The following UBE2L5 variants were observed in gnomAD, a reference collection of about 807,000 sequenced individuals.
UBE2L5 encodes the protein ubiquitin-conjugating enzyme E2 L5.
A neutral mutation model predicts 10.0 loss-of-function variants in UBE2L5; 3 were observed. The observed-to-expected ratio is 0.30, with a 90% CI of 0.14 to 0.78. The LOEUF (loss-of-function observed/expected upper bound fraction) is 0.78. Among genes scored for constraint, UBE2L5 ranks in the 30% least tolerant of loss-of-function variants. The pLI is 0.65. For synonymous variants in UBE2L5, 60 were observed against 71.9 expected, an observed-to-expected ratio of 0.83 and a Z score of 0.83; for missense variants, 131 against 193.3, an observed-to-expected ratio of 0.68 and a Z score of 1.91.
intron 2 of UBE2L5, among the ~76,000 whole-genome samples, chr13:30,425,600 A>G (rs1186264299): frequency 1.3e-5 from 2 of 152,258 alleles, no homozygotes; most frequent in African/African-American, 2.4e-5. Context: ...GTCTTGGATA[A>G]TAGTTACTTT....
chr13:30,426,515 A>T (rs935022745), intron 2 of UBE2L5, among the ~76,000 whole-genome samples: 1 of 152,152 alleles, frequency 6.6e-6, no homozygotes, highest in Non-Finnish European at 1.5e-5. Context: ...ACTATTTTGA[A>T]TCGTACTTGT....
intron 2 of UBE2L5, among the ~76,000 whole-genome samples, chr13:30,425,760 C>A (rs1380251257): frequency 1.3e-5 from 2 of 151,714 alleles, no homozygotes; most frequent in East Asian, 3.9e-4. Context: ...TGGTGTTTCA[C>A]GCCTGTAATC....
intron 3 of UBE2L5, chr13:30,427,022 G>A (rs1044099410): frequency 3.3e-5 from 5 of 152,110 alleles, no homozygotes; most frequent in African/African-American, 1.2e-4. Flanking sequence ...CTTTAAATAT[G>A]TGATTTTAAA....
At chr13:30,424,589 T>C (rs768732110) in intron 1 of UBE2L5, among the ~76,000 whole-genome samples, 2 of 152,232 alleles carry the variant, frequency 1.3e-5, no homozygotes, top group Non-Finnish European at 2.9e-5. Flanking sequence ...AAGCAAGTTA[T>C]ATACTATCCC....
chr13:30,426,188 G>A (rs1443979417), intron 2 of UBE2L5, among the ~76,000 whole-genome samples: 1 of 152,070 alleles, frequency 6.6e-6, no homozygotes, highest in Non-Finnish European at 1.5e-5. Flanking sequence ...GTGGGTGCCT[G>A]TAATCCCAAT....
intron 1 of UBE2L5, among the ~76,000 whole-genome samples, chr13:30,423,636 T>C (rs1885497974): frequency 6.6e-6 from 1 of 152,148 alleles, no homozygotes; most frequent in South Asian, 2.1e-4. Context: ...AATCATATAT[T>C]TAAAATTGGC....
Position 30,427,766 on chromosome 13 carries a change from T to G in UBE2L5, c.-225T>G, listed in dbSNP as rs1593239441. The G allele has an allele frequency of 3.7e-6, 2 of 546,684 alleles. No homozygotes were observed. The highest frequency in any genetic ancestry group is 4.8e-4 in the Middle Eastern group (1 of 2,064). 33.9% of individuals were successfully genotyped at this position (546,684 alleles called of 1,614,324 possible). On this transcript the variant is annotated 5_prime_UTR_variant, in exon 4 of 4. Transcript: ENST00000635918. ...TTGCAATGAGCAGAGATGGTGCCAC[T>G]GCACTCCAGCCTGGGCAACAGAGAG...
intron 1 of UBE2L5, among the ~76,000 whole-genome samples, 174 bp downstream of exon 1, chr13:30,422,851 A>G (rs1885483550): frequency 6.6e-6 from 1 of 152,198 alleles, no homozygotes. Flanking sequence ...AAAAATTAGG[A>G]CACAGAGGGA....
chr13:30,429,735 T>G lies in UBE2L5; in HGVS notation c.*1280T>G, dbSNP rs1211973514. Among the ~76,000 whole-genome samples the G allele has an allele frequency of 3.9e-5, 6 of 152,270 alleles. No individual in the cohort carries two copies. Among genetic ancestry groups the G allele is most frequent in the Admixed American group, 3.3e-4 (5 of 15,284 alleles). ...CACATGTTTTTTGGAACAAGAACTT[T>G]AATTAAAGGATCAAAAAGCCCAAGC... On this transcript the variant is annotated 3_prime_UTR_variant, in exon 4 of 4. Transcript: ENST00000635918.
intron 2 of UBE2L5, among the ~76,000 whole-genome samples, chr13:30,426,150 A>G (rs1467292439): frequency 6.6e-6 from 1 of 151,336 alleles, no homozygotes; most frequent in African/African-American, 2.4e-5. Context: ...ATCTCTACTA[A>G]AAATACAAAA....
In UBE2L5 at chr13:30,427,923, C is replaced by T. The variant is rs1885563352; in HGVS notation, c.-68C>T. 6.2e-6 allele frequency: 6 copies of T among 974,138 alleles called. No individual in the cohort carries two copies. The South Asian group carries it at 8.1e-5, about 13-fold the overall frequency. The allele number at this position is 974,138 out of a possible 1,614,324, so 60.3% of individuals were successfully genotyped here. ...CATCAGAACGTTATTTGAGTGTATA[C>T]ATACACAACCATTAAAAGTGGCCGT... On this transcript the variant is annotated 5_prime_UTR_variant, in exon 4 of 4. Coordinates refer to ENST00000635918, the MANE Select transcript of UBE2L5 (RefSeq NM_001355247.2).
rs537997246 is a variant in UBE2L5 at position 30,427,709 on chromosome 13, C to A, written c.-282C>A. ...ATCACAGCCACTTGGGAGGCCGAGGCGAGAGGATGGCTTGAACCCGGGAGG... is the reference window on the plus strand; with the variant it reads ...ATCACAGCCACTTGGGAGGCCGAGGAGAGAGGATGGCTTGAACCCGGGAGG... On this transcript the variant is annotated 5_prime_UTR_variant, in exon 4 of 4. Coordinates refer to ENST00000635918, the MANE Select transcript of UBE2L5 (RefSeq NM_001355247.2). The A allele has an allele frequency of 5.0e-5, 21 of 418,468 alleles. No homozygotes were observed. The highest frequency in any genetic ancestry group is 2.7e-4 in the African/African-American group (13 of 48,584). The allele number at this position is 418,468 out of a possible 1,614,324, so 25.9% of individuals were successfully genotyped here. A position where few individuals can be genotyped will look rare whatever the true frequency, so the allele number is the denominator to read the frequency against.
In UBE2L5 at chr13:30,428,849, C is replaced by T. The variant is rs200156299; in HGVS notation, c.*394C>T. Reference sequence around the variant, plus strand: ...AAGAGATTGTATGCTATATTCCTTGCTTTTTTTTTTTTTTTTTTGGTGGAT... The same window carrying T: ...AAGAGATTGTATGCTATATTCCTTGTTTTTTTTTTTTTTTTTTTGGTGGAT... On this transcript the variant is annotated 3_prime_UTR_variant, in exon 4 of 4. Transcript: ENST00000635918. Among the ~76,000 whole-genome samples the T allele has an allele frequency of 1.9e-3, 228 of 123,214 alleles. No individual in the cohort carries two copies. Among genetic ancestry groups the T allele is most frequent in the Non-Finnish European group, 2.7e-3 (169 of 61,566 alleles). 80.8% of individuals were successfully genotyped at this position (123,214 alleles called of 152,430 possible). A position where few individuals can be genotyped will look rare whatever the true frequency, so the allele number is the denominator to read the frequency against.
At position 30,429,556 on chromosome 13, in the gene UBE2L5, G is replaced by A. The variant is rs1026335467; in HGVS notation, c.*1101G>A. Among the ~76,000 whole-genome samples, 1 of 151,762 alleles carries A rather than the reference G, an allele frequency of 6.6e-6. No individual in the cohort carries two copies. The highest frequency in any genetic ancestry group is 6.6e-5 in the Admixed American group (1 of 15,248). On this transcript the variant is annotated 3_prime_UTR_variant, in exon 4 of 4. Coordinates refer to ENST00000635918, the MANE Select transcript of UBE2L5 (RefSeq NM_001355247.2). ...TATTCTCCATCCCCCATCCCCCACC[G>A]CCTCTCCAGTAAGGACTTTTTGACA...
rs1885557465 is a variant in UBE2L5, at chr13:30,427,674, C to T, written c.-317C>T. The T allele has an allele frequency of 2.8e-6, 1 of 354,550 alleles. No homozygotes were observed. Among genetic ancestry groups the T allele is most frequent in the Non-Finnish European group, 5.1e-6 (1 of 197,798 alleles). 22.0% of individuals were successfully genotyped at this position (354,550 alleles called of 1,614,324 possible). A position where few individuals can be genotyped will look rare whatever the true frequency, so the allele number is the denominator to read the frequency against. ...AAAAAGTTAGCTGTGCATGGTGGCA[C>T]GTGCCTGTAATCACAGCCACTTGGG... On this transcript the variant is annotated 5_prime_UTR_variant, in exon 4 of 4. It adds an upstream start codon to the 5' untranslated region. Transcript: ENST00000635918.
chr13:30,427,890 A>G lies in UBE2L5; in HGVS notation c.-101A>G, dbSNP rs576458229. The G allele has an allele frequency of 8.1e-5, 66 of 819,064 alleles. No homozygotes were observed. The South Asian group carries it at 8.2e-4, about 10-fold the overall frequency. 50.7% of individuals were successfully genotyped at this position (819,064 alleles called of 1,614,324 possible). ...AGTTGCTTTGCTCAGCGTAAGTTCA[A>G]ACTGCCACATCAGAACGTTATTTGA... On this transcript the variant is annotated 5_prime_UTR_variant, in exon 4 of 4. Coordinates refer to ENST00000635918, the MANE Select transcript of UBE2L5 (RefSeq NM_001355247.2).
chr13:30,426,973 G>C (rs1382340143), intron 3 of UBE2L5, 195 bp downstream of exon 3: 1 of 152,068 alleles, frequency 6.6e-6, no homozygotes, highest in Non-Finnish European at 1.5e-5. Context: ...CTTATTTTGA[G>C]TAGTGCCATT....
chr13:30,425,770 C>A (rs11618418), intron 2 of UBE2L5, among the ~76,000 whole-genome samples: 49,576 of 151,762 alleles, frequency 0.33, 9,016 homozygotes, highest in East Asian at 0.39. Context: ...CGCCTGTAAT[C>A]CCAGCACTTT....
At chr13:30,426,171 C>T (rs1457159247) in intron 2 of UBE2L5, among the ~76,000 whole-genome samples, 1 of 149,370 alleles carries the variant, frequency 6.7e-6, no homozygotes, top group East Asian at 2.0e-4. Flanking sequence ...ATTAGCCAGG[C>T]GTGGTGGTGG....
Sources: gnomAD v4.1 joint callset for allele counts (sites outside exome capture counted in the v4.1 genomes callset) on GRCh38, gnomAD v4.1.1 for gene constraint, MANE v1.5 for transcripts, NCBI Gene and HGNC (gene_info 2026-07-23, HGNC 2026-07-21) for gene names.